The following ADAM19 variants were observed in gnomAD, a reference collection of about 807,000 sequenced individuals.
ADAM19 encodes ADAM metallopeptidase domain 19.
In ADAM19, 65 loss-of-function variants were observed where a neutral mutation model predicts 114.7. The ratio of observed to expected loss-of-function variants is 0.57; its 90% CI spans 0.46 to 0.70. The LOEUF is 0.70. Among genes scored for constraint, ADAM19 ranks in the 30% least tolerant of loss-of-function variants. The probability of loss-of-function intolerance (pLI) is 0.00; values close to 1 mark genes in which losing one functional copy is unlikely to be tolerated. For synonymous variants in ADAM19, 466 were observed against 460.5 expected, an observed-to-expected ratio of 1.01 and a Z score of -0.15; for missense variants, 1,063 against 1,204.7, an observed-to-expected ratio of 0.88 and a Z score of 1.74.
chr5:157,480,445 G>A lies in ADAM19; in HGVS notation c.*504C>T. On this transcript the variant is annotated 3_prime_UTR_variant, in exon 23 of 23. Coordinates refer to ENST00000257527, the MANE Select transcript of ADAM19 (RefSeq NM_033274.5). ...AGCCCTGGGCAGGGCCACAGCAGTG[G>A]CTGGCTTGACCCTTCCTTAATCCCT... 1 of 990,062 alleles carries A rather than the reference G, an allele frequency of 1.0e-6. No homozygotes were observed. The allele number at this position is 990,062 out of a possible 1,614,324, so 61.3% of individuals were successfully genotyped here.
intron 3 of ADAM19, among the ~76,000 whole-genome samples, chr5:157,559,882 C>T (rs1393719334): frequency 6.6e-6 from 1 of 152,132 alleles, no homozygotes; most frequent in Non-Finnish European, 1.5e-5. Flanking sequence ...TCCCACTGCC[C>T]ACTATTTCCC....
intron 3 of ADAM19, among the ~76,000 whole-genome samples, chr5:157,544,422 A>C (rs1325447185): frequency 2.6e-5 from 4 of 152,128 alleles, no homozygotes; most frequent in Non-Finnish European, 5.9e-5. Context: ...CACCCTTCCG[A>C]CCAGTTTCTG....
intron 13 of ADAM19, among the ~76,000 whole-genome samples, chr5:157,498,084 G>A (rs1487280079): frequency 6.6e-6 from 1 of 152,204 alleles, no homozygotes; most frequent in African/African-American, 2.4e-5. Context: ...CAGATGCCGT[G>A]CACATTCCGA....
intron 10 of ADAM19, among the ~76,000 whole-genome samples, chr5:157,506,725 C>T (rs1002488783): frequency 1.3e-5 from 2 of 152,178 alleles, no homozygotes; most frequent in African/African-American, 2.4e-5. Flanking sequence ...TAACAGCACA[C>T]GACCTGAAAT....
chr5:157,487,633 G>A (rs942281760), intron 21 of ADAM19, among the ~76,000 whole-genome samples: 14 of 151,644 alleles, frequency 9.2e-5, no homozygotes, highest in Middle Eastern at 3.4e-3. Flanking sequence ...AGGCTGCTGG[G>A]CAGGCTATGC....
intron 4 of ADAM19, among the ~76,000 whole-genome samples, chr5:157,537,431 A>C (rs1435282307): frequency 6.6e-6 from 1 of 152,264 alleles, no homozygotes; most frequent in East Asian, 1.9e-4. Context: ...ATATAGAAGC[A>C]AAATAAAATA....
chr5:157,561,466 TC>T (rs550946895), intron 3 of ADAM19, among the ~76,000 whole-genome samples: 76 of 151,958 alleles, frequency 5.0e-4, no homozygotes, highest in African/African-American at 1.7e-3. Context: ...GTCCTCTCCC[TC>T]CCCCCAGAGT....
At chr5:157,571,511 G>A (rs1561562322) in intron 1 of ADAM19, among the ~76,000 whole-genome samples, 1 of 152,222 alleles carries the variant, frequency 6.6e-6, no homozygotes. Flanking sequence ...CAGCAAGACA[G>A]CCATGGGTCT....
intron 5 of ADAM19, among the ~76,000 whole-genome samples, chr5:157,520,674 G>A (rs1289142855): frequency 6.6e-6 from 1 of 152,242 alleles, no homozygotes; most frequent in African/African-American, 2.4e-5. Context: ...TAAGTGGAAA[G>A]ACAAGGGTCT....
At chr5:157,575,522 G>C in intron 1 of ADAM19, 81 bp downstream of exon 1, 1 of 1,096,224 alleles carries the variant, frequency 9.1e-7, no homozygotes, top group Non-Finnish European at 1.2e-6. Flanking sequence ...AGGGGTCGCG[G>C]TCCCAGCGCT....
chr5:157,486,945 G>A (rs1754954077), intron 21 of ADAM19, among the ~76,000 whole-genome samples: 1 of 152,092 alleles, frequency 6.6e-6, no homozygotes, highest in Non-Finnish European at 1.5e-5. Flanking sequence ...AGTTGGACAG[G>A]CAGACACCAG....
intron 3 of ADAM19, among the ~76,000 whole-genome samples, chr5:157,552,745 T>G (rs995377035): frequency 2.6e-5 from 4 of 151,698 alleles, no homozygotes; most frequent in Non-Finnish European, 2.9e-5. Context: ...CTGTGTTTGT[T>G]GCAGCAGAGT....
Position 157,499,610 on chromosome 5 carries a change from G to A in ADAM19, c.1361C>T (p.Ala454Val), listed in dbSNP as rs13354726. 8.0e-4 allele frequency: 1,292 copies of A among 1,613,346 alleles called. 8 individuals are homozygous for A. The African/African-American group carries it at 0.013, about 17-fold the overall frequency. ...NASNCTLRPGAECAHGSCCHQ... is the reference protein window; with the variant it reads ...NASNCTLRPGVECAHGSCCHQ... ...GCAGCAGGAGCCGTGAGCACACTCC[G>A]CCCCCGGCCTCAGGGTACAATTAGA... is the stretch of plus-strand genomic sequence containing the variant. Residue 454 changes from alanine (A) to valine (V), a missense_variant, in exon 13 of 23, where the codon GCG becomes GTG. Ala to Val is a moderately conservative substitution (Grantham distance 64). Coordinates refer to ENST00000257527, the MANE Select transcript of ADAM19 (RefSeq NM_033274.5).
At position 157,575,597 on chromosome 5, in the gene ADAM19, A is replaced by G. The variant is rs1757951506; in HGVS notation, c.94+6T>C. 1 of 1,463,712 alleles carries G rather than the reference A, an allele frequency of 6.8e-7. No homozygotes were observed. Among genetic ancestry groups the G allele is most frequent in the South Asian group, 1.3e-5 (1 of 76,650 alleles). The allele number at this position is 1,463,712 out of a possible 1,614,324, so 90.7% of individuals were successfully genotyped here. ...AGCCTCCATCCCCCCGCGCCTGGCC[A>G]CTTACTTGTCCATCCAGGCTCCCGC... On this transcript the variant is annotated splice_donor_region_variant and intron_variant, in intron 1 of 22. Transcript: ENST00000257527.
chr5:157,479,351 A>G lies in ADAM19; in HGVS notation c.*1598T>C. ...GGTGGTGAATCAGAAGCTCAGCCTC[A>G]GCCTTGCAGTGAGGTTTTCAAGAGC... On this transcript the variant is annotated 3_prime_UTR_variant, in exon 23 of 23. Coordinates refer to ENST00000257527, the MANE Select transcript of ADAM19 (RefSeq NM_033274.5). The G allele has an allele frequency of 5.1e-6, 5 of 986,044 alleles. No homozygotes were observed. The highest frequency in any genetic ancestry group is 6.0e-6 in the Non-Finnish European group (5 of 830,080). 61.1% of individuals were successfully genotyped at this position (986,044 alleles called of 1,614,324 possible).
At position 157,513,642 on chromosome 5, in the gene ADAM19, C is replaced by T; in HGVS notation, c.667-137G>A. On this transcript the variant is annotated intron_variant, in intron 7 of 22. Transcript: ENST00000257527. ...CCATCATTTTTATGCAATTGTCTTCCCCACCACAGTAAGAGCTTTGGAGGG... is the reference window on the plus strand; with the variant it reads ...CCATCATTTTTATGCAATTGTCTTCTCCACCACAGTAAGAGCTTTGGAGGG... 4.0e-6 allele frequency: 3 copies of T among 741,474 alleles called. No homozygotes were observed. In the South Asian group the frequency reaches 5.0e-5, roughly 12 times the overall value. 45.9% of individuals were successfully genotyped at this position (741,474 alleles called of 1,614,324 possible).
intron 5 of ADAM19, among the ~76,000 whole-genome samples, chr5:157,526,173 TACACACACAC>T (rs35119605): frequency 9.2e-5 from 10 of 109,214 alleles, no homozygotes; most frequent in Admixed American, 6.9e-4. Context: ...TATATATATA[TACACACACAC>T]ACACACACAC....
At position 157,505,299 on chromosome 5, in the gene ADAM19, C is replaced by T. The variant is rs73814808; in HGVS notation, c.1130+370G>A. On this transcript the variant is annotated intron_variant, in intron 11 of 22. Transcript: ENST00000257527. ...CTTTCAGTGAAGCCTGGAATTGAAA[C>T]AGCACTGATCCAACTCTCTTGGGAT... 2.6e-3 allele frequency among the ~76,000 whole-genome samples: 398 copies of T among 152,156 alleles called. 5 individuals carry two copies. The highest frequency in any genetic ancestry group is 9.0e-3 in the African/African-American group (373 of 41,508).
chr5:157,491,540 T>C (rs922400476), intron 18 of ADAM19, 75 bp downstream of exon 18: 1 of 1,080,300 alleles, frequency 9.3e-7, no homozygotes, highest in Non-Finnish European at 1.3e-6. Flanking sequence ...GTGGATGCTC[T>C]GCAACATGCC....
Sources: gnomAD v4.1 joint callset for allele counts (sites outside exome capture counted in the v4.1 genomes callset) on GRCh38, gnomAD v4.1.1 for gene constraint, MANE v1.5 for transcripts, NCBI Gene and HGNC (gene_info 2026-07-23, HGNC 2026-07-21) for gene names.